The following KEL variants were observed in gnomAD, a reference collection of about 807,000 sequenced individuals.
The protein encoded by KEL is kell blood group glycoprotein.
KEL carries 96 observed loss-of-function variants against 99.5 expected under a neutral mutation model. The observed-to-expected ratio is 0.97, with a 90% CI of 0.82 to 1.14. The LOEUF (loss-of-function observed/expected upper bound fraction) is 1.14. Ranked by LOEUF, KEL falls within the 50% of genes most tolerant of loss-of-function variation. The pLI, the probability that KEL is intolerant of heterozygous loss-of-function variation, is 0.00. For synonymous variants in KEL, 355 were observed against 354.8 expected, an observed-to-expected ratio of 1.00 and a Z score of -0.01; for missense variants, 926 against 924.2, an observed-to-expected ratio of 1.00 and a Z score of -0.03.
At position 142,943,498 on chromosome 7, in the gene KEL, G is replaced by T; in HGVS notation, c.1691C>A (p.Pro564His). ...GAGTGACCCATACCTGGGATAGCCA[G>T]GGTGGAAGAATGGGGGTTGGAGGAG... ...AGLLQPPFFH[P>H]GYPRAVNFGA... The change falls in exon 15 of 19, where the codon CCT becomes CAT. Residue 564 changes from proline to histidine, a missense_variant. Pro to His is a moderately conservative substitution (Grantham distance 77). Coordinates refer to ENST00000355265, the MANE Select transcript of KEL (RefSeq NM_000420.3). 1 of 1,613,834 alleles carries T rather than the reference G, an allele frequency of 6.2e-7. No homozygotes were observed. Among genetic ancestry groups the T allele is most frequent in the Non-Finnish European group, 8.5e-7 (1 of 1,179,700 alleles).
Position 142,953,656 on chromosome 7 carries a change from G to A in KEL, c.1073+152C>T, listed in dbSNP as rs146028942. The A allele has an allele frequency of 3.7e-4, 345 of 937,754 alleles. 5 individuals carry two copies. In the South Asian group the frequency reaches 3.8e-3, roughly 10 times the overall value. The allele number at this position is 937,754 out of a possible 1,614,324, so 58.1% of individuals were successfully genotyped here. A position where few individuals can be genotyped will look rare whatever the true frequency, so the allele number is the denominator to read the frequency against. On this transcript the variant is annotated intron_variant, in intron 9 of 18. Coordinates refer to ENST00000355265, the MANE Select transcript of KEL (RefSeq NM_000420.3). ...ATCCTCTCTGTGCCACCCACCCCAC[G>A]CTTCTCTGCCCGCACAGGTGGCAGG...
chr7:142,941,846 C>G (rs528968618), intron 18 of KEL, among the ~76,000 whole-genome samples: 1 of 150,696 alleles, frequency 6.6e-6, no homozygotes, highest in East Asian at 2.0e-4. Flanking sequence ...TCTTGCTCTA[C>G]CACCCAGCCT....
intron 10 of KEL, among the ~76,000 whole-genome samples, chr7:142,948,285 GAA>G (rs987670330): frequency 6.6e-6 from 1 of 151,948 alleles, no homozygotes; most frequent in African/African-American, 2.4e-5. Context: ...GAGAGGGAGA[GAA>G]ATAGAATTCG....
Position 142,952,578 on chromosome 7 carries a change from G to C in KEL, c.1134C>G (p.Asp378Glu), listed in dbSNP as rs1487315976. ...TTCTGCGTGCCTCCTGGAATTGACT[G>C]TCCAGGGCTGGAGAAAGGGTCACCA... is the stretch of plus-strand genomic sequence containing the variant. The part of the protein sequence containing the change: ...GLVVTLSPAL[D>E]SQFQEARRKL... Residue 378 changes from aspartate to glutamate, a missense_variant, in exon 10 of 19, where the codon GAC becomes GAG. By Grantham distance (45) the Asp-to-Glu change is conservative. Coordinates refer to ENST00000355265, the MANE Select transcript of KEL (RefSeq NM_000420.3). 1 of 1,614,124 alleles carries C rather than the reference G, an allele frequency of 6.2e-7. No homozygotes were observed. The highest frequency in any genetic ancestry group is 8.5e-7 in the Non-Finnish European group (1 of 1,180,002).
chr7:142,943,131 G>A, intron 16 of KEL, 87 bp from the exon 17 acceptor site: 1 of 1,565,004 alleles, frequency 6.4e-7, no homozygotes, highest in Non-Finnish European at 8.8e-7. Context: ...ACCACAGACT[G>A]AATCAGCTCC....
chr7:142,954,242 A>T lies in KEL; in HGVS notation c.866T>A (p.Leu289Gln), dbSNP rs751730769. 1.9e-6 allele frequency: 3 copies of T among 1,613,962 alleles called. No homozygotes were observed. In the South Asian group the frequency reaches 3.3e-5, roughly 18 times the overall value. Reference protein sequence around the residue: ...TSRLFQFLRPLEQRRAQGKLF... With the variant: ...TSRLFQFLRPQEQRRAQGKLF... ...CTTGCCCTGTGCCCGCCGCTGCTCC[A>T]GGGGCCTCAGAAACTGGAACAGCCG... Residue 289 changes from leucine (L) to glutamine (Q), a missense_variant, in exon 8 of 19, where the codon CTG becomes CAG. By Grantham distance (113) the Leu-to-Gln change is moderately radical. Coordinates refer to ENST00000355265, the MANE Select transcript of KEL (RefSeq NM_000420.3).
At chr7:142,951,868 A>G (rs1260959822) in intron 10 of KEL, among the ~76,000 whole-genome samples, 5 of 152,090 alleles carry the variant, frequency 3.3e-5, no homozygotes, top group Admixed American at 3.3e-4. Flanking sequence ...GATGTATCCA[A>G]TGTACTAGAC....
At chr7:142,949,199 TA>T (rs1189178692) in intron 10 of KEL, among the ~76,000 whole-genome samples, 3 of 152,134 alleles carry the variant, frequency 2.0e-5, no homozygotes, top group Non-Finnish European at 4.4e-5. Context: ...TCAGGTGAAA[TA>T]ATACCTTTCA....
At chr7:142,946,497 C>G (rs960172539) in intron 10 of KEL, 180 bp from the exon 11 acceptor site, 2 of 639,398 alleles carry the variant, frequency 3.1e-6, no homozygotes, top group African/African-American at 3.6e-5. Context: ...AAAAGCACAG[C>G]TTCCTCAGAG....
chr7:142,953,657 C>T, intron 9 of KEL, 151 bp downstream of exon 9: 1 of 947,662 alleles, frequency 1.1e-6, no homozygotes, highest in Non-Finnish European at 1.7e-6. Flanking sequence ...CCACCCCACG[C>T]TTCTCTGCCC....
In KEL at chr7:142,956,210, C is replaced by G. The variant is rs8175986; in HGVS notation, c.672+1617G>C. Among the ~76,000 whole-genome samples, 1,502 of 152,262 alleles carry G rather than the reference C, an allele frequency of 9.9e-3. 23 individuals are homozygous for G. The highest frequency in any genetic ancestry group is 0.035 in the African/African-American group (1,441 of 41,534). On this transcript the variant is annotated intron_variant, in intron 6 of 18. Coordinates refer to ENST00000355265, the MANE Select transcript of KEL (RefSeq NM_000420.3). ...TCTTTCTTTATATCCAATCAGTCACCAAATCCTCTAGAAACAGCATGAACT... is the reference window on the plus strand; with the variant it reads ...TCTTTCTTTATATCCAATCAGTCACGAAATCCTCTAGAAACAGCATGAACT...
chr7:142,942,260 G>A, intron 18 of KEL, 174 bp downstream of exon 18: 1 of 632,704 alleles, frequency 1.6e-6, no homozygotes, highest in Non-Finnish European at 2.9e-6. Flanking sequence ...GTAGTCATCT[G>A]AGGGGTGATT....
At chr7:142,961,146 G>A in intron 3 of KEL, 42 bp from the exon 4 acceptor site, 3 of 1,608,174 alleles carry the variant, frequency 1.9e-6, no homozygotes, top group African/African-American at 2.7e-5. Flanking sequence ...GAGGCAAAAA[G>A]ACAAGGGCTC....
Position 142,962,305 on chromosome 7 carries a change from G to A in KEL, c.-99C>T. Reference sequence around the variant, plus strand: ...GAAACACCCCCCGCCCCAGTTCCTTGATCCTGGAGAAGGGGCACTTCTGCT... The same window carrying A: ...GAAACACCCCCCGCCCCAGTTCCTTAATCCTGGAGAAGGGGCACTTCTGCT... On this transcript the variant is annotated 5_prime_UTR_variant, in exon 1 of 19. Transcript: ENST00000355265. The A allele has an allele frequency of 7.2e-7, 1 of 1,388,040 alleles. No individual in the cohort carries two copies. Among genetic ancestry groups the A allele is most frequent in the East Asian group, 2.3e-5 (1 of 43,708 alleles). 86.0% of individuals were successfully genotyped at this position (1,388,040 alleles called of 1,614,324 possible). A position where few individuals can be genotyped will look rare whatever the true frequency, so the allele number is the denominator to read the frequency against.
chr7:142,958,942 C>T (rs181560259), intron 4 of KEL, among the ~76,000 whole-genome samples: 22 of 152,308 alleles, frequency 1.4e-4, no homozygotes, highest in African/African-American at 5.1e-4. Flanking sequence ...TTTAAATTCA[C>T]CTGTACCCTG....
intron 11 of KEL, among the ~76,000 whole-genome samples, chr7:142,945,832 T>G (rs1562958429): frequency 6.6e-6 from 1 of 152,174 alleles, no homozygotes; most frequent in Admixed American, 6.5e-5. Flanking sequence ...TTCTCCATGT[T>G]GGTCAGGCTG....
At chr7:142,950,782 C>T (rs1246127760) in intron 10 of KEL, among the ~76,000 whole-genome samples, 2 of 152,158 alleles carry the variant, frequency 1.3e-5, no homozygotes, top group Non-Finnish European at 2.9e-5. Context: ...AGTTTTCTAA[C>T]CTTTGTTTGT....
In KEL at chr7:142,962,342, T is replaced by A. The variant is rs921827054; in HGVS notation, c.-136A>T. 8.4e-5 allele frequency: 85 copies of A among 1,010,610 alleles called. 1 individual carries two copies. The highest frequency in any genetic ancestry group is 5.8e-4 in the Middle Eastern group (2 of 3,470). 62.6% of individuals were successfully genotyped at this position (1,010,610 alleles called of 1,614,324 possible). A position where few individuals can be genotyped will look rare whatever the true frequency, so the allele number is the denominator to read the frequency against. Reference sequence around the variant, plus strand: ...GGGGCACTTCTGCTGCTCTTTCGCCTTGTCCCCAGACACACAGGACTGGCC... The same window carrying A: ...GGGGCACTTCTGCTGCTCTTTCGCCATGTCCCCAGACACACAGGACTGGCC... On this transcript the variant is annotated 5_prime_UTR_variant, in exon 1 of 19. In the 5' UTR this introduces an upstream ATG that the reference lacks. Coordinates refer to ENST00000355265, the MANE Select transcript of KEL (RefSeq NM_000420.3).
Position 142,958,322 on chromosome 7 carries a change from G to C in KEL, c.507C>G (p.Leu169=). 6.2e-7 allele frequency: 1 copy of C among 1,614,118 alleles called. No individual in the cohort carries two copies. Among genetic ancestry groups the C allele is most frequent in the Non-Finnish European group, 8.5e-7 (1 of 1,180,012 alleles). Residue 169 remains leucine (L), a synonymous_variant, in exon 5 of 19, where the codon CTC becomes CTG. Transcript: ENST00000355265. ...LAIEAAGTGP[L]RQVIEELGGW... ...TTCTCACCTCCTCAATAACTTGTCT[G>C]AGGGGACCAGTCCCTGCAGCTTCAA...
Sources: gnomAD v4.1 joint callset for allele counts (sites outside exome capture counted in the v4.1 genomes callset) on GRCh38, gnomAD v4.1.1 for gene constraint, MANE v1.5 for transcripts, NCBI Gene and HGNC (gene_info 2026-07-23, HGNC 2026-07-21) for gene names.